APLP2: variants seen among roughly 807,000 people sequenced by gnomAD.
The protein encoded by APLP2 is amyloid beta precursor like protein 2.
Under a neutral mutation model 89.9 loss-of-function variants are expected in APLP2, and 53 were observed. The ratio of observed to expected loss-of-function variants is 0.59; its 90% CI spans 0.47 to 0.74. The LOEUF (loss-of-function observed/expected upper bound fraction) is 0.74. Ranked by LOEUF, APLP2 falls within the 30% of genes least tolerant of loss-of-function variation. The probability of loss-of-function intolerance (pLI) is 0.00; values close to 1 mark genes in which losing one functional copy is unlikely to be tolerated. For missense variants in APLP2, 973 were observed against 975.9 expected (o/e 1.00, Z 0.04); for synonymous variants, 372 against 348.6 (o/e 1.07, Z -0.75).
intron 1 of APLP2, among the ~76,000 whole-genome samples, chr11:130,097,481 G>A (rs1209347664): frequency 6.6e-6 from 1 of 152,122 alleles, no homozygotes; most frequent in Non-Finnish European, 1.5e-5. Flanking sequence ...ATTGTTTGAG[G>A]CTGGGAGTAC....
intron 3 of APLP2, among the ~76,000 whole-genome samples, chr11:130,111,187 C>T (rs965131181): frequency 6.6e-6 from 1 of 152,138 alleles, no homozygotes; most frequent in Non-Finnish European, 1.5e-5. Context: ...GTTCGTGACT[C>T]TGTGTTGCTG....
chr11:130,107,429 C>T (rs1433382202), intron 1 of APLP2, among the ~76,000 whole-genome samples: 1 of 149,948 alleles, frequency 6.7e-6, no homozygotes, highest in East Asian at 2.0e-4. Flanking sequence ...CAATAACAGA[C>T]AGAGAGCCAA....
rs1322888030 is a variant in APLP2, at chr11:130,143,478, G to A, written c.*30G>A. The A allele has an allele frequency of 1.3e-6, 2 of 1,580,374 alleles. No homozygotes were observed. Among genetic ancestry groups the A allele is most frequent in the Admixed American group, 3.3e-5 (2 of 59,990 alleles). Reference sequence around the variant, plus strand: ...CAGGGAGCGCGGCAGCCCTGGCGGAGGGATGCAGGTGGGCCGGAAGATCCC... The same window carrying A: ...CAGGGAGCGCGGCAGCCCTGGCGGAAGGATGCAGGTGGGCCGGAAGATCCC... On this transcript the variant is annotated 3_prime_UTR_variant, in exon 17 of 17. Coordinates refer to ENST00000338167, the MANE Select transcript of APLP2 (RefSeq NM_001142276.2).
intron 1 of APLP2, among the ~76,000 whole-genome samples, chr11:130,105,157 G>A (rs1011971374): frequency 6.6e-6 from 1 of 152,230 alleles, no homozygotes; most frequent in South Asian, 2.1e-4. Context: ...TCATGCTTAG[G>A]ATCCCAGTCC....
intron 1 of APLP2, among the ~76,000 whole-genome samples, chr11:130,072,567 T>G (rs1941322171): frequency 6.6e-6 from 1 of 150,820 alleles, no homozygotes; most frequent in African/African-American, 2.4e-5. Flanking sequence ...ACTTCCGCCT[T>G]CCGAGTTCAA....
intron 3 of APLP2, among the ~76,000 whole-genome samples, chr11:130,111,896 C>T (rs1162249096): frequency 6.6e-6 from 1 of 152,170 alleles, no homozygotes; most frequent in Non-Finnish European, 1.5e-5. Flanking sequence ...ATAGAAAGTG[C>T]TTGAAATCGT....
Position 130,143,815 on chromosome 11 carries a change from CAGG to C in APLP2, c.*368_*370del. ...CGATTTTCAATAATAGACTTATATGCAGGCTGTCGTTCCGGTTATGTTGTGTAA... is the reference window on the plus strand; with the variant it reads ...CGATTTTCAATAATAGACTTATATGCCTGTCGTTCCGGTTATGTTGTGTAA... On this transcript the variant is annotated 3_prime_UTR_variant, in exon 17 of 17. Coordinates refer to ENST00000338167, the MANE Select transcript of APLP2 (RefSeq NM_001142276.2). 1 of 189,020 alleles carries C rather than the reference CAGG, an allele frequency of 5.3e-6. No homozygotes were observed. Among genetic ancestry groups the C allele is most frequent in the Non-Finnish European group, 1.1e-5 (1 of 89,786 alleles). 11.7% of individuals were successfully genotyped at this position (189,020 alleles called of 1,614,324 possible).
At position 130,141,677 on chromosome 11, in the gene APLP2, A is replaced by T. The variant is rs1952411229; in HGVS notation, c.1998+105A>T. ...AAACGGGAGAGATGCCTGAGCTAAT[A>T]AGGGTCCCTCATCCCCAGCTTTCCG... On this transcript the variant is annotated intron_variant, in intron 15 of 16. Coordinates refer to ENST00000338167, the MANE Select transcript of APLP2 (RefSeq NM_001142276.2). This position sits in a 1 kb window ranked among gnomAD's most constrained non-coding sequence, Gnocchi z 4.2. The T allele has an allele frequency of 8.5e-6, 9 of 1,053,270 alleles. No homozygotes were observed. In the East Asian group the frequency reaches 2.2e-4, roughly 26 times the overall value. 65.2% of individuals were successfully genotyped at this position (1,053,270 alleles called of 1,614,324 possible).
Position 130,123,520 on chromosome 11 carries a change from C to T in APLP2, c.923-92C>T. The T allele has an allele frequency of 7.2e-7, 1 of 1,393,572 alleles. No homozygotes were observed. The highest frequency in any genetic ancestry group is 9.7e-7 in the Non-Finnish European group (1 of 1,026,166). The allele number at this position is 1,393,572 out of a possible 1,614,324, so 86.3% of individuals were successfully genotyped here. A position where few individuals can be genotyped will look rare whatever the true frequency, so the allele number is the denominator to read the frequency against. ...GCTCCGTCCAGTCTCAGGCCTCCCC[C>T]AGCCCATCCCCCAGCTCGCCAGCCT... On this transcript the variant is annotated intron_variant, in intron 6 of 16. Transcript: ENST00000338167. This position sits in a 1 kb window ranked among gnomAD's most constrained non-coding sequence, Gnocchi z 4.0.
chr11:130,135,411 G>A, intron 12 of APLP2, 152 bp from the exon 13 acceptor site: 2 of 879,386 alleles, frequency 2.3e-6, no homozygotes, highest in Non-Finnish European at 3.4e-6. Flanking sequence ...GGGGTCCCTG[G>A]TGTTGGGGCT....
rs764344943 is a variant in APLP2 at position 130,143,379 on chromosome 11, C to T, written c.2187C>T (p.His729=). The T allele has an allele frequency of 1.9e-6, 3 of 1,613,966 alleles. No homozygotes were observed. Among genetic ancestry groups the T allele is most frequent in the Non-Finnish European group, 2.5e-6 (3 of 1,179,996 alleles). The part of the protein sequence containing the change: ...VDPMLTPEER[H]LNKMQNHGYE... ...CAATGCTCACCCCAGAAGAGCGTCA[C>T]CTGAACAAGATGCAGAACCATGGCT... The change falls in exon 17 of 17, where the codon CAC becomes CAT. Residue 729 remains histidine, a synonymous_variant. Coordinates refer to ENST00000338167, the MANE Select transcript of APLP2 (RefSeq NM_001142276.2).
chr11:130,127,105 CTTTAT>C (rs1950462737), intron 8 of APLP2, among the ~76,000 whole-genome samples: 1 of 104,562 alleles, frequency 9.6e-6, no homozygotes, highest in African/African-American at 3.6e-5. Context: ...TTTAAAATTT[CTTTAT>C]TTTAAAGAAG....
chr11:130,104,368 G>A (rs1035067904), intron 1 of APLP2, among the ~76,000 whole-genome samples: 4 of 151,506 alleles, frequency 2.6e-5, no homozygotes, highest in Admixed American at 6.6e-5. Context: ...ATAGGCACGC[G>A]CCCCCATGCC....
chr11:130,137,124 T>A (rs566401575), intron 13 of APLP2: 1 of 805,890 alleles, frequency 1.2e-6, no homozygotes, highest in South Asian at 1.6e-5. Context: ...GGCAGGGTGT[T>A]TTTAAGGAGG....
At chr11:130,078,568 C>A (rs1028675404) in intron 1 of APLP2, among the ~76,000 whole-genome samples, 3 of 151,994 alleles carry the variant, frequency 2.0e-5, no homozygotes, top group Non-Finnish European at 4.4e-5. Flanking sequence ...CGATAGTCTC[C>A]TATATTGTCA....
intron 1 of APLP2, among the ~76,000 whole-genome samples, chr11:130,087,198 A>G (rs2135479915): frequency 6.6e-6 from 1 of 152,326 alleles, no homozygotes; most frequent in South Asian, 2.1e-4. Context: ...ATTCTTTTAG[A>G]GTAACTGTCA....
In APLP2 at chr11:130,135,594, G is replaced by A. The variant is rs756950418; in HGVS notation, c.1716G>A (p.Met572Ile). 8.1e-6 allele frequency: 13 copies of A among 1,614,046 alleles called. No individual in the cohort carries two copies. Among genetic ancestry groups the A allele is most frequent in the South Asian group, 7.7e-5 (7 of 91,086 alleles). ...TCCTTCAGGAGCAGCGTGCAGATAT[G>A]GACCAGTTCACTGCCTCAATCTCAG... ...DELLQEQRAD[M>I]DQFTASISET... Residue 572 changes from methionine to isoleucine, a missense_variant, in exon 13 of 17, where the codon ATG becomes ATA. By Grantham distance (10) the Met-to-Ile change is conservative (BLOSUM62 1). Transcript: ENST00000338167.
At chr11:130,137,588 C>G (rs1439926725) in intron 13 of APLP2, among the ~76,000 whole-genome samples, 1 of 152,206 alleles carries the variant, frequency 6.6e-6, no homozygotes, top group African/African-American at 2.4e-5. Context: ...CCCTTTTAAT[C>G]TGGGTAGATT....
At chr11:130,099,014 G>T (rs1212062910) in intron 1 of APLP2, among the ~76,000 whole-genome samples, 4 of 152,008 alleles carry the variant, frequency 2.6e-5, no homozygotes, top group Non-Finnish European at 5.9e-5. Flanking sequence ...CCCCACCCCT[G>T]CTCTGCACGT....
Sources: allele counts gnomAD v4.1 joint callset (sites outside exome capture counted in the v4.1 genomes callset), GRCh38; gene constraint gnomAD v4.1.1; non-coding constraint Gnocchi (gnomAD v3.1); transcripts MANE v1.5; gene names NCBI Gene and HGNC (gene_info 2026-07-23, HGNC 2026-07-21).